Variants in PTPRF observed in about 807,000 individuals in gnomAD.
PTPRF encodes the protein receptor-type tyrosine-protein phosphatase F.
A neutral mutation model predicts 201.8 loss-of-function variants in PTPRF; 59 were observed. The observed-to-expected ratio is 0.29, with a 90% CI of 0.24 to 0.36. The LOEUF (loss-of-function observed/expected upper bound fraction) is 0.36. PTPRF is among the 10% of genes least tolerant of loss of function. The pLI is 1.00. For synonymous variants in PTPRF, 1,088 were observed against 1,089.7 expected (o/e 1.00, Z 0.03); for missense variants, 2,132 against 2,690.5 (o/e 0.79, Z 4.59).
rs540407495 is a variant in PTPRF at position 43,606,267 on chromosome 1, G to A, written c.3511G>A (p.Glu1171Lys). ...TCTAGAAGCCATCGAGCAAGGCGGAGAGGAGCAGCGGCGGCGGCGGCGGCA... is the reference window on the plus strand; with the variant it reads ...TCTAGAAGCCATCGAGCAAGGCGGAAAGGAGCAGCGGCGGCGGCGGCGGCA... ...ELLEAIEQGG[E>K]EQRRRRRQAE... The change falls in exon 20 of 34, where the codon GAG (glutamate) becomes AAG (lysine). Residue 1171 changes from glutamate (E) to lysine (K), a missense_variant. Glu to Lys is a moderately conservative substitution (Grantham distance 56). Transcript: ENST00000359947. 57 of 1,613,866 alleles carry A rather than the reference G, an allele frequency of 3.5e-5. No homozygotes were observed. In the East Asian group the frequency reaches 1.2e-3, roughly 35 times the overall value.
At chr1:43,616,339 T>C (rs993496543) in intron 23 of PTPRF, among the ~76,000 whole-genome samples, 1 of 151,690 alleles carries the variant, frequency 6.6e-6, no homozygotes, top group Non-Finnish European at 1.5e-5. Flanking sequence ...TTATCATTAT[T>C]GCTCTCCGAG....
At chr1:43,599,026 T>G (rs1653087338) in intron 13 of PTPRF, 113 bp downstream of exon 13, 9 of 1,169,494 alleles carry the variant, frequency 7.7e-6, no homozygotes. Context: ...AGCAGTGCTG[T>G]GACTGCCTTT....
intron 1 of PTPRF, among the ~76,000 whole-genome samples, chr1:43,533,573 A>G (rs1267147165): frequency 6.6e-6 from 1 of 152,088 alleles, no homozygotes; most frequent in African/African-American, 2.4e-5. Flanking sequence ...TCAGGCCTCA[A>G]AGAGGCCCCT....
At chr1:43,611,276 G>GGATGC (rs147250784) in intron 22 of PTPRF, among the ~76,000 whole-genome samples, 3,677 of 152,320 alleles carry the variant, frequency 0.024, 157 homozygotes, top group African/African-American at 0.084. Context: ...TCAAGCACCA[G>GGATGC]GATGCTGGGA....
In PTPRF at chr1:43,591,503, TG is replaced by T; in HGVS notation, c.1484del (p.Gly495AlafsTer65). ...CTGCGCGTGCTTGCCTTCACCGCCGTGGGCGATGGCCCTCCCAGCCCCACCA... is the reference window on the plus strand; with the variant it reads ...CTGCGCGTGCTTGCCTTCACCGCCGTGGCGATGGCCCTCCCAGCCCCACCA... The part of the protein sequence containing the change: ...YSLRVLAFTA[V>X]GDGPPSPTIQ... On this transcript the variant is annotated frameshift_variant, in exon 9 of 34. Transcript: ENST00000359947. LOFTEE classifies it high-confidence loss of function. The T allele has an allele frequency of 6.2e-7, 1 of 1,601,244 alleles. No homozygotes were observed.
upstream of PTPRF, chr1:43,530,778 G>A (rs969208773): frequency 6.5e-6 from 1 of 152,840 alleles, no homozygotes; most frequent in African/African-American, 2.4e-5. The surrounding 1 kb of genome is among the most constrained non-coding windows in gnomAD (Gnocchi z 4.1). Flanking sequence ...GGCTCTACGA[G>A]CGAGAGTGCA....
chr1:43,579,074 C>T (rs1436923505), intron 7 of PTPRF, 154 bp downstream of exon 7: 2 of 775,200 alleles, frequency 2.6e-6, no homozygotes, highest in Non-Finnish European at 4.6e-6. Context: ...GCAGCAACAG[C>T]TCCCACTGGG....
chr1:43,581,879 T>A (rs1647749407), intron 7 of PTPRF, among the ~76,000 whole-genome samples: 1 of 152,248 alleles, frequency 6.6e-6, no homozygotes, highest in African/African-American at 2.4e-5. Flanking sequence ...CATTTTGGGC[T>A]GGACGATTCT....
At chr1:43,559,604 A>G (rs936774739) in intron 5 of PTPRF, among the ~76,000 whole-genome samples, 2 of 149,170 alleles carry the variant, frequency 1.3e-5, no homozygotes, top group African/African-American at 5.0e-5. Context: ...GTGTGTGTAC[A>G]GCAGGTGGTG....
intron 8 of PTPRF, among the ~76,000 whole-genome samples, chr1:43,589,586 G>T (rs925497787): frequency 1.3e-5 from 2 of 151,894 alleles, no homozygotes; most frequent in African/African-American, 2.4e-5. Flanking sequence ...GCCAGGCACG[G>T]TGGCTCATTC....
chr1:43,551,708 T>C (rs1645049613), intron 3 of PTPRF, among the ~76,000 whole-genome samples: 1 of 152,180 alleles, frequency 6.6e-6, no homozygotes, highest in Non-Finnish European at 1.5e-5. Flanking sequence ...ATAATAATAC[T>C]ACCTACCTTA....
At position 43,598,847 on chromosome 1, in the gene PTPRF, G is replaced by A; in HGVS notation, c.2247G>A (p.Val749=). The change falls in exon 13 of 34, where the codon GTG becomes GTA. Residue 749 remains valine (V), a synonymous_variant. Transcript: ENST00000359947. The part of the protein sequence containing the change: ...GQIRGYQVTY[V]RLENGEPRGL... Reference sequence around the variant, plus strand: ...TCCGCGGCTACCAGGTCACCTACGTGCGGCTGGAGAATGGCGAGCCCCGTG... The same window carrying A: ...TCCGCGGCTACCAGGTCACCTACGTACGGCTGGAGAATGGCGAGCCCCGTG... 6.2e-7 allele frequency: 1 copy of A among 1,614,162 alleles called. No homozygotes were observed. Among genetic ancestry groups the A allele is most frequent in the Non-Finnish European group, 8.5e-7 (1 of 1,180,018 alleles).
chr1:43,590,622 G>A (rs1361063296), intron 8 of PTPRF, among the ~76,000 whole-genome samples: 3 of 152,236 alleles, frequency 2.0e-5, no homozygotes, highest in Non-Finnish European at 4.4e-5. Flanking sequence ...CTGCTACCCA[G>A]TCTGGGTGTC....
chr1:43,522,209 C>T (rs1642974577), upstream of PTPRF, among the ~76,000 whole-genome samples: 2 of 152,136 alleles, frequency 1.3e-5, no homozygotes, highest in Admixed American at 1.3e-4. Context: ...GGAAACCTGA[C>T]CTAACACAGA....
rs747723517 is a variant in PTPRF at position 43,606,274 on chromosome 1, A to AGCG, written c.3533_3535dup (p.Arg1178dup). 1.9e-4 allele frequency: 307 copies of AGCG among 1,613,348 alleles called. No homozygotes were observed. The highest frequency in any genetic ancestry group is 5.4e-4 in the South Asian group (49 of 91,040). On this transcript the variant is annotated inframe_insertion, in exon 20 of 34. Transcript: ENST00000359947. ...GCCATCGAGCAAGGCGGAGAGGAGC[A>AGCG]GCGGCGGCGGCGGCGGCAGGCAGAA... is the stretch of plus-strand genomic sequence containing the variant.
At chr1:43,597,603 C>T in intron 11 of PTPRF, 145 bp from the exon 12 acceptor site, 4 of 641,162 alleles carry the variant, frequency 6.2e-6, no homozygotes, top group South Asian at 1.9e-5. Context: ...GTGGCAGCAG[C>T]CTGCCTGGAG....
chr1:43,567,462 T>G (rs1203088683), intron 5 of PTPRF, among the ~76,000 whole-genome samples: 1 of 152,108 alleles, frequency 6.6e-6, no homozygotes, highest in Non-Finnish European at 1.5e-5. Flanking sequence ...GGGCTGCAGG[T>G]GGGGAAACGT....
chr1:43,557,987 C>T (rs1645513035), intron 5 of PTPRF, among the ~76,000 whole-genome samples: 2 of 152,162 alleles, frequency 1.3e-5, no homozygotes, highest in South Asian at 4.1e-4. Flanking sequence ...CTCACCCCAC[C>T]CCTCCCCTCC....
At chr1:43,528,230 T>C (rs1423551251), upstream of PTPRF, among the ~76,000 whole-genome samples, 3 of 152,214 alleles carry the variant, frequency 2.0e-5, no homozygotes, top group Non-Finnish European at 4.4e-5. Context: ...TCTTGCTCTG[T>C]GGCCCAGGCT....
Sources: allele counts gnomAD v4.1 joint callset (sites outside exome capture counted in the v4.1 genomes callset), GRCh38; gene constraint gnomAD v4.1.1; non-coding constraint Gnocchi (gnomAD v3.1); transcripts MANE v1.5; gene names NCBI Gene and HGNC (gene_info 2026-07-23, HGNC 2026-07-21).